TSHZ2: variants seen among roughly 807,000 people sequenced by gnomAD.
TSHZ2 encodes teashirt homolog 2.
TSHZ2 carries 21 observed loss-of-function variants against 74.4 expected under a neutral mutation model. The observed-to-expected ratio is 0.28, with a 90% CI of 0.20 to 0.41. The LOEUF is 0.41. Among genes scored for constraint, TSHZ2 ranks in the 10% least tolerant of loss-of-function variants. The pLI, the probability that TSHZ2 is intolerant of heterozygous loss-of-function variation, is 1.00. For synonymous variants in TSHZ2, 540 were observed against 515.3 expected (o/e 1.05, Z -0.65); for missense variants, 1,244 against 1,293.5 (o/e 0.96, Z 0.59).
intron 2 of TSHZ2, among the ~76,000 whole-genome samples, chr20:53,378,016 T>C (rs1416270693): frequency 6.6e-6 from 1 of 152,064 alleles, no homozygotes; most frequent in Admixed American, 6.6e-5. Context: ...ACTTCAGCTT[T>C]TACTCGGTGG....
chr20:53,414,997 C>T (rs986914642), intron 2 of TSHZ2, among the ~76,000 whole-genome samples: 1 of 152,092 alleles, frequency 6.6e-6, no homozygotes, highest in Non-Finnish European at 1.5e-5. Context: ...GAGGACAGGG[C>T]CTGTCATATA....
rs555481780 is a variant in TSHZ2 at position 53,227,721 on chromosome 20, T to C, written c.41-25778T>C. Among the ~76,000 whole-genome samples, 7 of 152,324 alleles carry C rather than the reference T, an allele frequency of 4.6e-5. No individual in the cohort carries two copies. The East Asian group carries it at 7.7e-4, about 17-fold the overall frequency. Reference sequence around the variant, plus strand: ...GTTTCCCTGAGGCTGTTGTGAAATATTGATGAAATCCTTGCTTTCGTGGCT... The same window carrying C: ...GTTTCCCTGAGGCTGTTGTGAAATACTGATGAAATCCTTGCTTTCGTGGCT... On this transcript the variant is annotated intron_variant, in intron 1 of 2. Transcript: ENST00000371497.
At chr20:53,346,216 G>A (rs1244245719) in intron 2 of TSHZ2, among the ~76,000 whole-genome samples, 1 of 152,272 alleles carries the variant, frequency 6.6e-6, no homozygotes, top group East Asian at 1.9e-4. Context: ...GATTTTGACA[G>A]AACTCACTTT....
Position 53,021,382 on chromosome 20 carries a change from C to G in TSHZ2, c.40+48049C>G, listed in dbSNP as rs555623996. 3.9e-5 allele frequency among the ~76,000 whole-genome samples: 6 copies of G among 152,274 alleles called. No individual in the cohort carries two copies. The South Asian group carries it at 1.0e-3, about 26-fold the overall frequency. On this transcript the variant is annotated intron_variant, in intron 1 of 2. Coordinates refer to ENST00000371497, the MANE Select transcript of TSHZ2 (RefSeq NM_173485.6). Reference sequence around the variant, plus strand: ...AACCACGTGCGCTGTGTTTAGCAAGCCTCACTGGTGATTCCAAAGCACACT... The same window carrying G: ...AACCACGTGCGCTGTGTTTAGCAAGGCTCACTGGTGATTCCAAAGCACACT...
At chr20:53,178,223 C>G (rs553897850) in intron 1 of TSHZ2, 1 of 152,380 alleles carries the variant, frequency 6.6e-6, no homozygotes, top group East Asian at 1.9e-4. Flanking sequence ...GCCACACGAA[C>G]TTCTGCCATG....
intron 1 of TSHZ2, among the ~76,000 whole-genome samples, chr20:52,975,892 A>G (rs1420480099): frequency 2.0e-5 from 3 of 152,196 alleles, no homozygotes; most frequent in Admixed American, 6.5e-5. Flanking sequence ...GATTATGGCC[A>G]TACTAACTTT....
intron 1 of TSHZ2, among the ~76,000 whole-genome samples, chr20:53,075,772 G>A (rs1279633592): frequency 1.3e-5 from 2 of 152,150 alleles, no homozygotes; most frequent in Non-Finnish European, 2.9e-5. Flanking sequence ...AACTGGGAGA[G>A]TCCACGGCAC....
chr20:53,190,129 A>ATTTTTTT (rs1187750796), intron 1 of TSHZ2, among the ~76,000 whole-genome samples: 3 of 87,858 alleles, frequency 3.4e-5, no homozygotes, highest in Admixed American at 1.3e-4. Context: ...ATATATATAT[A>ATTTTTTT]TATATATATT....
intron 2 of TSHZ2, among the ~76,000 whole-genome samples, chr20:53,415,799 T>TACAC (rs879670879): frequency 6.9e-6 from 1 of 145,272 alleles, no homozygotes; most frequent in Admixed American, 6.7e-5. Context: ...TGTGTAGATA[T>TACAC]ACACACACAC....
At chr20:53,357,924 G>C (rs1980904222) in intron 2 of TSHZ2, among the ~76,000 whole-genome samples, 1 of 152,234 alleles carries the variant, frequency 6.6e-6, no homozygotes, top group South Asian at 2.1e-4. Context: ...CAGGCCACCA[G>C]AACCAAATAC....
intron 2 of TSHZ2, among the ~76,000 whole-genome samples, chr20:53,269,803 AAAAAG>A (rs1256894839): frequency 3.9e-5 from 6 of 152,072 alleles, no homozygotes; most frequent in Middle Eastern, 6.8e-3. Context: ...ATAATAAAAA[AAAAAG>A]AAAAGAAAAT....
At chr20:53,200,397 GGA>G (rs1357813893) in intron 1 of TSHZ2, among the ~76,000 whole-genome samples, 1 of 152,220 alleles carries the variant, frequency 6.6e-6, no homozygotes, top group African/African-American at 2.4e-5. Flanking sequence ...AGTGAACGAA[GGA>G]GAGAGGGGAG....
At position 53,426,914 on chromosome 20, in the gene TSHZ2, A is replaced by G. The variant is rs569523104; in HGVS notation, c.*9-60230A>G. ...TTACTTCTCCTTGATTAGCATTTAT[A>G]AGAGCCCTGTGATACAGTATTTGCA... On this transcript the variant is annotated intron_variant, in intron 2 of 2. Coordinates refer to ENST00000371497, the MANE Select transcript of TSHZ2 (RefSeq NM_173485.6). 3.3e-5 allele frequency among the ~76,000 whole-genome samples: 5 copies of G among 152,298 alleles called. No homozygotes were observed. The South Asian group carries it at 1.0e-3, about 32-fold the overall frequency.
chr20:53,424,664 A>G lies in TSHZ2; in HGVS notation c.*9-62480A>G, dbSNP rs575627339. On this transcript the variant is annotated intron_variant, in intron 2 of 2. Transcript: ENST00000371497. ...GGTGGTTTCCTGCACCTGTCAACCC[A>G]TCACCTAGGTATTAAGCCCGGCGTG... Among the ~76,000 whole-genome samples, 6 of 152,170 alleles carry G rather than the reference A, an allele frequency of 3.9e-5. No homozygotes were observed. The East Asian group carries it at 1.2e-3, about 29-fold the overall frequency.
intron 2 of TSHZ2, among the ~76,000 whole-genome samples, chr20:53,342,965 T>C (rs895129650): frequency 8.5e-6 from 1 of 117,854 alleles, no homozygotes; most frequent in South Asian, 3.2e-4. Flanking sequence ...CTTTTTTTTT[T>C]TTTTTTTTTT....
intron 1 of TSHZ2, among the ~76,000 whole-genome samples, chr20:53,069,259 A>G (rs1490780261): frequency 6.6e-6 from 1 of 152,142 alleles, no homozygotes; most frequent in East Asian, 1.9e-4. Flanking sequence ...AGTGGGCTGC[A>G]CTGGAAGTAT....
intron 1 of TSHZ2, among the ~76,000 whole-genome samples, chr20:53,080,490 A>G (rs953159312): frequency 3.9e-5 from 6 of 152,310 alleles, no homozygotes; most frequent in African/African-American, 1.4e-4. Context: ...GGCACCAGGG[A>G]TCAGCTTCAT....
At chr20:53,333,195 T>C in intron 2 of TSHZ2, among the ~76,000 whole-genome samples, 1 of 152,210 alleles carries the variant, frequency 6.6e-6, no homozygotes, top group Middle Eastern at 3.2e-3. Context: ...GAACAAATAT[T>C]TATTTAGAGC....
chr20:53,284,461 T>G (rs571871305), intron 2 of TSHZ2, among the ~76,000 whole-genome samples: 1 of 152,330 alleles, frequency 6.6e-6, no homozygotes, highest in African/African-American at 2.4e-5. Flanking sequence ...TTAAACATGT[T>G]ATCAAATGAT....
Sources: allele counts gnomAD v4.1 joint callset (sites outside exome capture counted in the v4.1 genomes callset), GRCh38; gene constraint gnomAD v4.1.1; transcripts MANE v1.5; gene names NCBI Gene and HGNC (gene_info 2026-07-23, HGNC 2026-07-21).